GLS: variants seen among roughly 807,000 people sequenced by gnomAD.
GLS encodes the protein glutaminase, also known as glutaminase kidney isoform, mitochondrial.
GLS carries 36 observed loss-of-function variants against 86.7 expected under a neutral mutation model. The observed-to-expected ratio is 0.42, with a 90% CI of 0.32 to 0.55. The LOEUF (loss-of-function observed/expected upper bound fraction) is 0.55. Among genes scored for constraint, GLS ranks in the 20% least tolerant of loss-of-function variants. The pLI is 0.17. For missense variants in GLS, 528 were observed against 833.4 expected, an observed-to-expected ratio of 0.63 and a Z score of 4.51; for synonymous variants, 317 against 305.9, an observed-to-expected ratio of 1.04 and a Z score of -0.38.
rs1288104552 is a variant in GLS, at chr2:190,895,538, T to C, written c.484-66T>C. On this transcript the variant is annotated intron_variant, in intron 2 of 17. Coordinates refer to ENST00000320717, the MANE Select transcript of GLS (RefSeq NM_014905.5). This position sits in a 1 kb window ranked among gnomAD's most constrained non-coding sequence, Gnocchi z 4.2. ...TTTTATATACAGGAATAAAATCTTA[T>C]AGTTGGTATAAGCATATACATTATT... 19 of 1,113,374 alleles carry C rather than the reference T, an allele frequency of 1.7e-5. No homozygotes were observed. In the South Asian group the frequency reaches 2.7e-4, roughly 16 times the overall value. The allele number at this position is 1,113,374 out of a possible 1,614,324, so 69.0% of individuals were successfully genotyped here. A position where few individuals can be genotyped will look rare whatever the true frequency, so the allele number is the denominator to read the frequency against.
rs1348473737 is a variant in GLS at position 190,927,413 on chromosome 2, A to G, written c.1356A>G (p.Ala452=). 7 of 1,613,958 alleles carry G rather than the reference A, an allele frequency of 4.3e-6. No homozygotes were observed. Among genetic ancestry groups the G allele is most frequent in the Non-Finnish European group, 5.9e-6 (7 of 1,179,876 alleles). The part of the protein sequence containing the change: ...ITGERVLSPE[A]VRNTLSLMHS... ...GTGAAAGAGTACTGAGCCCTGAAGC[A>G]GTTCGAAATACATTGAGTTTGATGC... Residue 452 remains alanine (A), a synonymous_variant, in exon 12 of 18, where the codon GCA becomes GCG. Coordinates refer to ENST00000320717, the MANE Select transcript of GLS (RefSeq NM_014905.5).
chr2:190,929,638 T>C (rs1256308803), intron 12 of GLS, among the ~76,000 whole-genome samples: 2 of 150,894 alleles, frequency 1.3e-5, no homozygotes, highest in African/African-American at 2.4e-5. Flanking sequence ...CGCGGCTAAG[T>C]TTTGTATTTT....
At chr2:190,884,791 A>G (rs1268457958) in intron 1 of GLS, among the ~76,000 whole-genome samples, 2 of 152,230 alleles carry the variant, frequency 1.3e-5, no homozygotes, top group Non-Finnish European at 2.9e-5. Flanking sequence ...TATTGAAAGT[A>G]TTCTGTTAAA....
intron 14 of GLS, chr2:190,932,671 C>G (rs1690146531): frequency 4.2e-6 from 6 of 1,412,748 alleles, no homozygotes; most frequent in Non-Finnish European, 5.6e-6. Context: ...GACCTTTCTT[C>G]ACTCAAGTGC....
At chr2:190,902,440 T>C (rs1688978569) in intron 5 of GLS, among the ~76,000 whole-genome samples, 1 of 152,178 alleles carries the variant, frequency 6.6e-6, no homozygotes, top group Non-Finnish European at 1.5e-5. Context: ...GCATGAGAAT[T>C]AAGACAGTGC....
intron 4 of GLS, among the ~76,000 whole-genome samples, 174 bp from the exon 5 acceptor site, chr2:190,901,773 T>G (rs562307661): frequency 6.6e-6 from 1 of 152,288 alleles, no homozygotes; most frequent in East Asian, 1.9e-4. Flanking sequence ...CAAGTCTGTT[T>G]TGCCTTTAGT....
intron 14 of GLS, chr2:190,932,605 G>T: frequency 2.7e-6 from 2 of 754,096 alleles, no homozygotes; most frequent in Non-Finnish European, 3.7e-6. Context: ...AGAGGTGGTG[G>T]TTTAAAATGT....
intron 14 of GLS, among the ~76,000 whole-genome samples, chr2:190,939,358 T>C (rs935660116): frequency 6.6e-6 from 1 of 151,660 alleles, no homozygotes; most frequent in African/African-American, 2.4e-5. Flanking sequence ...ATATTGTTGC[T>C]CTCAAAATAT....
Position 190,957,767 on chromosome 2 carries a change from G to A in GLS, c.1853+2949G>A, listed in dbSNP as rs538571668. Among the ~76,000 whole-genome samples, 47 of 152,252 alleles carry A rather than the reference G, an allele frequency of 3.1e-4. No individual in the cohort carries two copies. The South Asian group carries it at 9.1e-3, about 30-fold the overall frequency. ...TCCCAGGGATGAAGCCGACTTGATC[G>A]TGGTGGATAAGCTTTTTGATGTGCT... On this transcript the variant is annotated intron_variant, in intron 17 of 17. Coordinates refer to ENST00000320717, the MANE Select transcript of GLS (RefSeq NM_014905.5).
intron 1 of GLS, among the ~76,000 whole-genome samples, chr2:190,886,933 A>G (rs1688402862): frequency 7.1e-6 from 1 of 141,152 alleles, no homozygotes; most frequent in Admixed American, 7.1e-5. Flanking sequence ...AAAAAAAAAA[A>G]GAAAGTAATA....
intron 17 of GLS, among the ~76,000 whole-genome samples, chr2:190,960,512 A>C (rs1395539891): frequency 6.6e-6 from 1 of 150,972 alleles, no homozygotes; most frequent in African/African-American, 2.4e-5. Flanking sequence ...TCACAGGCAA[A>C]CACCACCATG....
At chr2:190,902,087 G>C in intron 5 of GLS, 61 bp downstream of exon 5, 1 of 885,910 alleles carries the variant, frequency 1.1e-6, no homozygotes, top group Non-Finnish European at 1.9e-6. Flanking sequence ...ATAATGGTGA[G>C]AATGACATGG....
At chr2:190,890,530 A>T (rs1012602245) in intron 1 of GLS, among the ~76,000 whole-genome samples, 1 of 152,240 alleles carries the variant, frequency 6.6e-6, no homozygotes, top group Admixed American at 6.5e-5. Flanking sequence ...TGATAACTAG[A>T]ATTTGTCAAT....
chr2:190,883,558 CTATT>C (rs1312403881), intron 1 of GLS, among the ~76,000 whole-genome samples: 2 of 152,204 alleles, frequency 1.3e-5, no homozygotes, highest in African/African-American at 4.8e-5. Flanking sequence ...TGACACATAA[CTATT>C]TATTAAATAA....
chr2:190,893,206 G>C (rs1303930766), intron 1 of GLS, among the ~76,000 whole-genome samples: 1 of 152,158 alleles, frequency 6.6e-6, no homozygotes, highest in Non-Finnish European at 1.5e-5. Context: ...ATTAGGTCAG[G>C]ATAAGACCTA....
intron 17 of GLS, among the ~76,000 whole-genome samples, chr2:190,961,816 C>T (rs1045717578): frequency 1.3e-5 from 2 of 151,022 alleles, no homozygotes; most frequent in Admixed American, 6.6e-5. Flanking sequence ...CCTTTCGTTT[C>T]CATATTGTGA....
chr2:190,935,445 C>G lies in GLS; in HGVS notation c.1650+3808C>G. Among the ~76,000 whole-genome samples, 1 of 151,220 alleles carries G rather than the reference C, an allele frequency of 6.6e-6. No individual in the cohort carries two copies. Among genetic ancestry groups the G allele is most frequent in the East Asian group, 1.9e-4 (1 of 5,196 alleles). On this transcript the variant is annotated intron_variant, in intron 14 of 17. Coordinates refer to ENST00000320717, the MANE Select transcript of GLS (RefSeq NM_014905.5). This position sits in a 1 kb window ranked among gnomAD's most constrained non-coding sequence, Gnocchi z 4.2. ...TATTCTGAAGCTGCCTCAAAGTAAA[C>G]TAGAAATATTCAAAAGGGCTTTATT...
Position 190,905,159 on chromosome 2 carries a change from A to G in GLS, c.971A>G (p.Asn324Ser). The change falls in exon 6 of 18, where the codon AAT becomes AGT. Residue 324 changes from asparagine to serine, a missense_variant. By Grantham distance (46) the Asn-to-Ser change is conservative. Coordinates refer to ENST00000320717, the MANE Select transcript of GLS (RefSeq NM_014905.5). This position sits in a 1 kb window ranked among gnomAD's most constrained non-coding sequence, Gnocchi z 4.6. ...SGLRFNKLFL[N>S]EDDKPHNPMV... ...CTAAGATTCAACAAACTATTTTTGA[A>G]TGAAGATGGTAAGAATTACATAAAC... The G allele has an allele frequency of 6.3e-7, 1 of 1,584,586 alleles. No homozygotes were observed. Among genetic ancestry groups the G allele is most frequent in the Non-Finnish European group, 8.6e-7 (1 of 1,156,878 alleles).
intron 6 of GLS, among the ~76,000 whole-genome samples, chr2:190,906,514 A>G (rs941425207): frequency 3.9e-5 from 6 of 152,308 alleles, no homozygotes; most frequent in Admixed American, 6.5e-5. Context: ...AGAAAAAATG[A>G]CAAATCAGAG....
Sources: allele counts gnomAD v4.1 joint callset (sites outside exome capture counted in the v4.1 genomes callset), GRCh38; gene constraint gnomAD v4.1.1; non-coding constraint Gnocchi (gnomAD v3.1); transcripts MANE v1.5; gene names NCBI Gene and HGNC (gene_info 2026-07-23, HGNC 2026-07-21).